The following ATP2B3 variants were observed in gnomAD, a reference collection of about 807,000 sequenced individuals.
ATP2B3 encodes plasma membrane calcium-transporting ATPase 3.
A neutral mutation model predicts 70.8 loss-of-function variants in ATP2B3; 12 were observed. The observed-to-expected ratio is 0.17, with a 90% CI of 0.11 to 0.27. The LOEUF (loss-of-function observed/expected upper bound fraction) is 0.27, where lower values mean the gene tolerates loss of function less well. ATP2B3 is among the 10% of genes least tolerant of loss of function. The pLI is 1.00. For missense variants in ATP2B3, 858 were observed against 1,118.5 expected (o/e 0.77, Z 3.32); for synonymous variants, 460 against 497.8 (o/e 0.92, Z 1.01).
chrX:153,546,644 C>T (rs782133246), intron 8 of ATP2B3, among the ~76,000 whole-genome samples: 7 of 113,465 alleles, frequency 6.2e-5, no homozygotes, highest in Admixed American at 1.8e-4. Flanking sequence ...GGCTGTGAGA[C>T]GCAGGAAGCA....
intron 2 of ATP2B3, among the ~76,000 whole-genome samples, chrX:153,534,490 C>T (rs2090161432): frequency 8.9e-6 from 1 of 112,465 alleles, no homozygotes; most frequent in South Asian, 3.7e-4. Context: ...CTTGCCTCAC[C>T]TTTGCCCCAG....
Position 153,581,085 on chromosome X carries a change from T to TC in ATP2B3, c.*787_*788insC, listed in dbSNP as rs2090917760. Reference sequence around the variant, plus strand: ...ATTGAATGTAGCAAGGTTGTAGTTGTTTTTTTTTTTTTTTCAGGGAACTAG... The same window carrying TC: ...ATTGAATGTAGCAAGGTTGTAGTTGTCTTTTTTTTTTTTTTCAGGGAACTAG... On this transcript the variant is annotated 3_prime_UTR_variant, in exon 22 of 22. Coordinates refer to ENST00000263519, the MANE Select transcript of ATP2B3 (RefSeq NM_001001344.3). The TC allele has an allele frequency of 5.7e-5, 1 of 17,482 alleles. No individual in the cohort carries two copies. Among genetic ancestry groups the TC allele is most frequent in the Non-Finnish European group, 1.7e-4 (1 of 5,767 alleles). 1.4% of individuals were successfully genotyped at this position (17,482 alleles called of 1,213,427 possible). A position where few individuals can be genotyped will look rare whatever the true frequency, so the allele number is the denominator to read the frequency against.
intron 13 of ATP2B3, 29 bp from the exon 14 acceptor site, chrX:153,556,020 G>GC: frequency 8.3e-7 from 1 of 1,210,968 alleles, no homozygotes; most frequent in Non-Finnish European, 1.1e-6. Flanking sequence ...TGCCTCGATG[G>GC]CCCCGCCCAC....
At chrX:153,560,618 T>C in intron 18 of ATP2B3, 58 bp from the exon 19 acceptor site, 1 of 1,163,888 alleles carries the variant, frequency 8.6e-7, no homozygotes, top group Non-Finnish European at 1.2e-6. Flanking sequence ...GTCTCGCTCC[T>C]GAGTAATGCG....
At chrX:153,544,750 C>CT (rs1181202430) in intron 7 of ATP2B3, among the ~76,000 whole-genome samples, 3 of 112,537 alleles carry the variant, frequency 2.7e-5, no homozygotes, top group Non-Finnish European at 5.6e-5. Context: ...TCCTATGCAC[C>CT]TTTCTCCAAG....
chrX:153,529,866 G>A (rs1285192603), intron 2 of ATP2B3, among the ~76,000 whole-genome samples: 1 of 112,156 alleles, frequency 8.9e-6, no homozygotes, highest in African/African-American at 3.2e-5. Context: ...GTCCTCAAGG[G>A]TCAGCCATGT....
At chrX:153,539,467 C>A (rs1191546173) in intron 3 of ATP2B3, among the ~76,000 whole-genome samples, 1 of 112,367 alleles carries the variant, frequency 8.9e-6, no homozygotes, top group Non-Finnish European at 1.9e-5. Flanking sequence ...CCAGGGCTAC[C>A]CCTGCCCCTC....
chrX:153,525,210 T>A (rs1284485759), intron 2 of ATP2B3, among the ~76,000 whole-genome samples: 4 of 112,503 alleles, frequency 3.6e-5, no homozygotes, highest in Non-Finnish European at 5.6e-5. Context: ...TCTGCTGCTC[T>A]TTTGGAAATC....
intron 6 of ATP2B3, 76 bp downstream of exon 6, chrX:153,542,524 G>A: frequency 5.3e-6 from 6 of 1,142,736 alleles, no homozygotes; most frequent in Non-Finnish European, 5.9e-6. Flanking sequence ...TGTCCAGGCT[G>A]CCTGCTGGGC....
At chrX:153,568,123 C>T (rs1314941646) in intron 21 of ATP2B3, among the ~76,000 whole-genome samples, 1 of 112,010 alleles carries the variant, frequency 8.9e-6, no homozygotes, top group African/African-American at 3.2e-5. Flanking sequence ...AACCTGCTCG[C>T]ACCATGGTTC....
chrX:153,556,266 TC>T, intron 14 of ATP2B3, 38 bp downstream of exon 14: 1 of 1,198,478 alleles, frequency 8.3e-7, no homozygotes, highest in South Asian at 1.8e-5. Flanking sequence ...ACCCCCCTTC[TC>T]CTCACCCCAG....
chrX:153,544,700 C>T (rs1009898819), intron 7 of ATP2B3, among the ~76,000 whole-genome samples: 17 of 112,176 alleles, frequency 1.5e-4, no homozygotes, highest in African/African-American at 5.5e-4. Flanking sequence ...TTGCCTTCTA[C>T]CTGCACCCAA....
Position 153,558,171 on chromosome X carries a change from C to T in ATP2B3, c.2493C>T (p.Asn831=). Residue 831 remains asparagine (N), a synonymous_variant, in exon 17 of 22, where the codon AAC becomes AAT. Coordinates refer to ENST00000263519, the MANE Select transcript of ATP2B3 (RefSeq NM_001001344.3). ...EASDIILTDD[N]FTSIVKAVMW... is the part of the protein sequence containing the mutation. ...CCGACATCATCCTGACCGATGACAA[C>T]TTCACCAGCATCGTCAAGGCAGTCA... 8.3e-7 allele frequency: 1 copy of T among 1,211,900 alleles called. No individual in the cohort carries two copies. Among genetic ancestry groups the T allele is most frequent in the Non-Finnish European group, 1.1e-6 (1 of 895,543 alleles).
At chrX:153,545,799 C>T (rs2090356670) in intron 7 of ATP2B3, among the ~76,000 whole-genome samples, 1 of 111,985 alleles carries the variant, frequency 8.9e-6, no homozygotes, top group Non-Finnish European at 1.9e-5. Flanking sequence ...TTCCGGGAAC[C>T]TCCCACTGCC....
chrX:153,579,465 T>G (rs2090897422), intron 21 of ATP2B3, among the ~76,000 whole-genome samples: 1 of 112,390 alleles, frequency 8.9e-6, no homozygotes, highest in Non-Finnish European at 1.9e-5. Flanking sequence ...ACTTCGGACT[T>G]TCTGGTAAGA....
intron 21 of ATP2B3, among the ~76,000 whole-genome samples, chrX:153,574,116 C>T (rs1434948562): frequency 8.8e-6 from 1 of 113,142 alleles, no homozygotes; most frequent in Non-Finnish European, 1.9e-5. Flanking sequence ...CCGAAGCCAT[C>T]TTCTCCTCAG....
At chrX:153,533,521 C>T (rs2090147446) in intron 2 of ATP2B3, among the ~76,000 whole-genome samples, 2 of 110,292 alleles carry the variant, frequency 1.8e-5, no homozygotes, top group Non-Finnish European at 3.8e-5. Flanking sequence ...AACAGGGGCT[C>T]GCTGGAGTGA....
rs1603140094 is a variant in ATP2B3, at chrX:153,579,964, A to C, written c.3343-14A>C. ...CTCCCACCTCGCGCCCTGTCCCTCC[A>C]CCTCCCACTCCAGATCCGGGTGGTG... On this transcript the variant is annotated splice_polypyrimidine_tract_variant and intron_variant, in intron 21 of 21. Transcript: ENST00000263519. 2 of 1,175,464 alleles carry C rather than the reference A, an allele frequency of 1.7e-6. No individual in the cohort carries two copies. Among genetic ancestry groups the C allele is most frequent in the Non-Finnish European group, 1.1e-6 (1 of 874,053 alleles).
chrX:153,520,809 G>C (rs1269177326), intron 2 of ATP2B3, among the ~76,000 whole-genome samples: 1 of 112,328 alleles, frequency 8.9e-6, no homozygotes, highest in Non-Finnish European at 1.9e-5. Context: ...GCAGAGTAGA[G>C]TGTGGTTCGT....
Sources: allele counts gnomAD v4.1 joint callset (sites outside exome capture counted in the v4.1 genomes callset), GRCh38; gene constraint gnomAD v4.1.1; transcripts MANE v1.5; gene names NCBI Gene and HGNC (gene_info 2026-07-23, HGNC 2026-07-21).